DPP4: variants seen among roughly 807,000 people sequenced by gnomAD.
DPP4 encodes the protein ADCP-2.
In DPP4, 93 loss-of-function variants were observed where a neutral mutation model predicts 122.4. The observed-to-expected ratio is 0.76, with a 90% CI of 0.64 to 0.90. DPP4 has a LOEUF of 0.90. Ranked by LOEUF, DPP4 falls within the 40% of genes least tolerant of loss-of-function variation. The pLI, the probability that DPP4 is intolerant of heterozygous loss-of-function variation, is 0.00. For synonymous variants in DPP4, 321 were observed against 302.9 expected (o/e 1.06, Z -0.62); for missense variants, 914 against 907.3 (o/e 1.01, Z -0.09).
At chr2:162,004,616 T>C (rs1701236073) in intron 23 of DPP4, among the ~76,000 whole-genome samples, 1 of 151,508 alleles carries the variant, frequency 6.6e-6, no homozygotes, top group Admixed American at 6.6e-5. Flanking sequence ...CACACACACA[T>C]ACACCTTACT....
intron 2 of DPP4, among the ~76,000 whole-genome samples, chr2:162,067,292 A>G (rs1443098023): frequency 6.6e-6 from 1 of 152,190 alleles, no homozygotes; most frequent in East Asian, 1.9e-4. Flanking sequence ...CAGAAATGGT[A>G]TTAGGCCACA....
rs1683260629 is a variant in DPP4 at position 162,024,813 on chromosome 2, G to T, written c.1014C>A (p.Asn338Lys). The T allele has an allele frequency of 6.2e-7, 1 of 1,613,460 alleles. No individual in the cohort carries two copies. The highest frequency in any genetic ancestry group is 8.5e-7 in the Non-Finnish European group (1 of 1,180,002). ...CDYDESSGRW[N>K]CLVARQHIEM... Reference sequence around the variant, plus strand: ...CCCCATTCAGTCTCACCACTAAGCAGTTCCATCTTCCACTGGATTCATCAT... The same window carrying T: ...CCCCATTCAGTCTCACCACTAAGCATTTCCATCTTCCACTGGATTCATCAT... The change falls in exon 11 of 26, where the codon AAC becomes AAA. Residue 338 changes from asparagine (N) to lysine (K), a missense_variant. Transcript: ENST00000360534.
intron 25 of DPP4, among the ~76,000 whole-genome samples, chr2:161,993,724 G>A (rs1278245517): frequency 6.6e-6 from 1 of 152,052 alleles, no homozygotes; most frequent in African/African-American, 2.4e-5. Flanking sequence ...CTCAAAGGGC[G>A]CTTACACAGC....
rs1559711732 is a variant in DPP4 at position 162,020,707 on chromosome 2, CA to C, written c.1069-20del. ...GCCTAAACTAGAAAATAATAGAGAA[CA>C]AAAGAACATTAAAGCACAGTGTCTC... On this transcript the variant is annotated intron_variant, in intron 12 of 25. Coordinates refer to ENST00000360534, the MANE Select transcript of DPP4 (RefSeq NM_001935.4). 2 of 1,570,260 alleles carry C rather than the reference CA, an allele frequency of 1.3e-6. No homozygotes were observed. Among genetic ancestry groups the C allele is most frequent in the Non-Finnish European group, 8.7e-7 (1 of 1,148,944 alleles).
In DPP4 at chr2:162,022,681, A is replaced by G. The variant is rs544053481; in HGVS notation, c.1068+74T>C. On this transcript the variant is annotated intron_variant, in intron 12 of 25. Coordinates refer to ENST00000360534, the MANE Select transcript of DPP4 (RefSeq NM_001935.4). ...TTAATAACGTATCACTTAGAGCCCT[A>G]GTTTTAAATAGCTGCATATCAAATA... is the stretch of plus-strand genomic sequence containing the variant. 7.1e-6 allele frequency: 10 copies of G among 1,403,198 alleles called. No individual in the cohort carries two copies. In the African/African-American group the frequency reaches 1.4e-4, roughly 20 times the overall value. 86.9% of individuals were successfully genotyped at this position (1,403,198 alleles called of 1,614,324 possible).
intron 20 of DPP4, among the ~76,000 whole-genome samples, chr2:162,011,494 G>A (rs1682705424): frequency 6.6e-6 from 1 of 152,070 alleles, no homozygotes; most frequent in African/African-American, 2.4e-5. Context: ...TTGTCCCCGA[G>A]TCTGATGAAT....
chr2:162,033,862 G>GCATATATATATA (rs1683658410), intron 9 of DPP4, among the ~76,000 whole-genome samples: 1 of 104,026 alleles, frequency 9.6e-6, no homozygotes, highest in Non-Finnish European at 1.9e-5. Context: ...CAGAATATGT[G>GCATATATATATA]TATATATATA....
intron 10 of DPP4, among the ~76,000 whole-genome samples, chr2:162,028,556 C>G (rs532908696): frequency 7.9e-4 from 120 of 152,250 alleles, no homozygotes; most frequent in African/African-American, 2.8e-3. Flanking sequence ...AGAAGAGGGA[C>G]CACCCCTGCA....
intron 23 of DPP4, among the ~76,000 whole-genome samples, chr2:161,998,221 T>C (rs1005529679): frequency 1.3e-5 from 2 of 152,168 alleles, no homozygotes; most frequent in African/African-American, 2.4e-5. Flanking sequence ...TAAATCTCCC[T>C]AAAAGACAGT....
chr2:161,999,353 G>T (rs1285928155), intron 23 of DPP4, among the ~76,000 whole-genome samples: 2 of 152,290 alleles, frequency 1.3e-5, no homozygotes, highest in South Asian at 2.1e-4. Context: ...ATCCCTCTTT[G>T]CCTATCCATG....
chr2:162,041,089 G>T (rs1683969042), intron 5 of DPP4, among the ~76,000 whole-genome samples: 1 of 151,458 alleles, frequency 6.6e-6, no homozygotes, highest in African/African-American at 2.4e-5. Context: ...TGAACAAGAA[G>T]AAAAATATAA....
chr2:162,025,885 C>G (rs935640135), intron 10 of DPP4, among the ~76,000 whole-genome samples: 1 of 152,144 alleles, frequency 6.6e-6, no homozygotes, highest in African/African-American at 2.4e-5. Flanking sequence ...CCCAAATGCT[C>G]TCACACAATC....
chr2:162,050,613 A>T (rs982469460), intron 2 of DPP4, among the ~76,000 whole-genome samples: 1 of 152,200 alleles, frequency 6.6e-6, no homozygotes, highest in African/African-American at 2.4e-5. Context: ...CAGTTTCCAC[A>T]TATTAGCTGC....
At chr2:162,012,215 A>G (rs1365438930) in intron 19 of DPP4, among the ~76,000 whole-genome samples, 1 of 152,146 alleles carries the variant, frequency 6.6e-6, no homozygotes, top group African/African-American at 2.4e-5. Context: ...GAAGATAGTT[A>G]TCAAACACAG....
chr2:162,030,938 G>A (rs756625236), intron 10 of DPP4, among the ~76,000 whole-genome samples: 2 of 152,282 alleles, frequency 1.3e-5, no homozygotes, highest in Non-Finnish European at 2.9e-5. Flanking sequence ...CCAAAAATCC[G>A]TCCTGAGAAT....
At chr2:162,021,215 T>C (rs1246568791) in intron 12 of DPP4, among the ~76,000 whole-genome samples, 2 of 152,236 alleles carry the variant, frequency 1.3e-5, no homozygotes, top group African/African-American at 4.8e-5. Flanking sequence ...CTACATACTA[T>C]AAGGAATGTC....
chr2:162,056,413 A>G (rs879017266), intron 2 of DPP4, among the ~76,000 whole-genome samples: 2 of 152,238 alleles, frequency 1.3e-5, no homozygotes, highest in Admixed American at 1.3e-4. Context: ...CAAGTACAAT[A>G]TGTGAACTCC....
intron 10 of DPP4, 34 bp downstream of exon 10, chr2:162,033,507 T>G (rs1683639176): frequency 6.4e-7 from 1 of 1,555,056 alleles, no homozygotes. Context: ...TGTAAAACTG[T>G]TTACAAGCCA....
In DPP4 at chr2:161,992,808, G is replaced by A. The variant is rs201027056; in HGVS notation, c.*475C>T. ...GGGGAGCTGACAGTAGCCTGCTCGT[G>A]TTGGTATGCTTGGACTTGGGTTCCC... is the stretch of plus-strand genomic sequence containing the variant. On this transcript the variant is annotated 3_prime_UTR_variant, in exon 26 of 26. Coordinates refer to ENST00000360534, the MANE Select transcript of DPP4 (RefSeq NM_001935.4). 1.3e-4 allele frequency: 21 copies of A among 156,798 alleles called. 1 individual carries two copies. The South Asian group carries it at 3.7e-3, about 27-fold the overall frequency. The allele number at this position is 156,798 out of a possible 1,614,324, so 9.7% of individuals were successfully genotyped here.
Sources: allele counts gnomAD v4.1 joint callset (sites outside exome capture counted in the v4.1 genomes callset), GRCh38; gene constraint gnomAD v4.1.1; transcripts MANE v1.5; gene names NCBI Gene and HGNC (gene_info 2026-07-23, HGNC 2026-07-21).